KIFBP: variants seen among roughly 807,000 people sequenced by gnomAD.
The protein encoded by KIFBP is KIF-binding protein.
A neutral mutation model predicts 58.9 loss-of-function variants in KIFBP; 46 were observed. The ratio of observed to expected loss-of-function variants is 0.78; its 90% confidence interval spans 0.62 to 1.00. The LOEUF is 1.00. Among genes scored for constraint, KIFBP ranks in the 50% least tolerant of loss-of-function variants. The pLI is 0.00. For synonymous variants in KIFBP, 241 were observed against 283.4 expected (o/e 0.85, Z 1.50); for missense variants, 651 against 752.9 (o/e 0.86, Z 1.58).
chr10:68,995,316 A>G (rs1414683412), intron 1 of KIFBP: 1 of 152,202 alleles, frequency 6.6e-6, no homozygotes, highest in Non-Finnish European at 1.5e-5. Context: ...AGAATTTTAT[A>G]TAAATGAAAT....
Position 69,015,926 on chromosome 10 carries a change from T to C in KIFBP, c.1376T>C (p.Val459Ala), listed in dbSNP as rs1235802814. Residue 459 changes from valine (V) to alanine (A), a missense_variant, in exon 7 of 7, where the codon GTA becomes GCA. By Grantham distance (64) the Val-to-Ala change is moderately conservative (BLOSUM62 0). Transcript: ENST00000361983. ...ATAGCCATGCTAGAGCCCCTAACTG[T>C]AGACCTGAATCCACAGTATTATCTG... Reference protein sequence around the residue: ...RRIAMLEPLTVDLNPQYYLLV... With the variant: ...RRIAMLEPLTADLNPQYYLLV... 1 of 1,614,204 alleles carries C rather than the reference T, an allele frequency of 6.2e-7. No homozygotes were observed.
chr10:68,991,237 A>G (rs2255850), intron 1 of KIFBP: 146,108 of 155,790 alleles, frequency 0.94, 68,604 homozygotes, highest in East Asian at 0.99. Context: ...CAGCAGCTCC[A>G]GGGCCTCTGA....
chr10:69,013,911 G>A (rs981354570), intron 6 of KIFBP, among the ~76,000 whole-genome samples: 3 of 151,980 alleles, frequency 2.0e-5, no homozygotes, highest in Admixed American at 1.3e-4. Flanking sequence ...CACTGTGCCC[G>A]GCTAATTCTT....
At chr10:69,011,519 A>C (rs188150859) in intron 6 of KIFBP, among the ~76,000 whole-genome samples, 6 of 149,486 alleles carry the variant, frequency 4.0e-5, no homozygotes, top group Non-Finnish European at 4.4e-5. Context: ...TCATCCTTGG[A>C]GTACAGGCGT....
chr10:68,997,817 C>G (rs1719602674), intron 1 of KIFBP, among the ~76,000 whole-genome samples: 1 of 152,172 alleles, frequency 6.6e-6, no homozygotes, highest in South Asian at 2.1e-4. Context: ...CTGCAACTAA[C>G]CTAGGTAGTC....
intron 1 of KIFBP, among the ~76,000 whole-genome samples, chr10:68,998,260 T>C (rs2132109344): frequency 6.6e-6 from 1 of 152,260 alleles, no homozygotes; most frequent in African/African-American, 2.4e-5. Flanking sequence ...CCAAAAGATT[T>C]TTAAAACAAA....
chr10:68,989,259 G>A lies in KIFBP; in HGVS notation c.426+1G>A. 6.2e-7 allele frequency: 1 copy of A among 1,612,662 alleles called. No homozygotes were observed. Among genetic ancestry groups the A allele is most frequent in the Non-Finnish European group, 8.5e-7 (1 of 1,179,796 alleles). ...CATCTCTCTCTGCATCCAGGCGCAG[G>A]TGAGAGCGAGCCCGGCCAGGCCGGC... On this transcript the variant is annotated splice_donor_variant, in intron 1 of 6. Transcript: ENST00000361983. LOFTEE classifies it high-confidence loss of function.
At chr10:68,994,237 T>TAC (rs377490348) in intron 1 of KIFBP, among the ~76,000 whole-genome samples, 177 of 151,326 alleles carry the variant, frequency 1.2e-3, no homozygotes, top group African/African-American at 3.5e-3. Flanking sequence ...AGACTAAGTA[T>TAC]ACACACACAC....
At chr10:69,000,822 A>G (rs1476959561) in intron 2 of KIFBP, among the ~76,000 whole-genome samples, 1 of 152,244 alleles carries the variant, frequency 6.6e-6, no homozygotes, top group Non-Finnish European at 1.5e-5. Context: ...TATAATCTAA[A>G]CATTCTATTT....
chr10:69,011,968 G>GGT (rs1425626494), intron 6 of KIFBP, among the ~76,000 whole-genome samples: 1 of 152,004 alleles, frequency 6.6e-6, no homozygotes, highest in Non-Finnish European at 1.5e-5. Context: ...TGGGATTACA[G>GGT]GTGTGAGCAA....
At chr10:69,004,260 C>T (rs1843506148) in intron 2 of KIFBP, among the ~76,000 whole-genome samples, 1 of 150,078 alleles carries the variant, frequency 6.7e-6, no homozygotes, top group Admixed American at 6.6e-5. Flanking sequence ...AGGCTGGGCA[C>T]CTTAGCTCAT....
intron 5 of KIFBP, among the ~76,000 whole-genome samples, chr10:69,009,691 C>A (rs1457752921): frequency 6.6e-6 from 1 of 152,130 alleles, no homozygotes; most frequent in East Asian, 1.9e-4. Context: ...AAATACCCAT[C>A]TTTTTAAGTA....
In KIFBP at chr10:69,012,322, A is replaced by G. The variant is rs560211300; in HGVS notation, c.990+1307A>G. On this transcript the variant is annotated intron_variant, in intron 6 of 6. Coordinates refer to ENST00000361983, the MANE Select transcript of KIFBP (RefSeq NM_015634.4). ...AAGGCCTCGGAAAAGTGCCTGAGAC[A>G]TACTAAGTCCTTAATAAATGTTAAC... 2.6e-5 allele frequency among the ~76,000 whole-genome samples: 4 copies of G among 152,348 alleles called. No homozygotes were observed. The South Asian group carries it at 8.3e-4, about 32-fold the overall frequency.
chr10:69,015,198 T>C (rs868349017), intron 6 of KIFBP, among the ~76,000 whole-genome samples: 1 of 152,164 alleles, frequency 6.6e-6, no homozygotes, highest in Non-Finnish European at 1.5e-5. Flanking sequence ...CTGGGAGTAA[T>C]GTATCACATA....
chr10:69,003,525 C>T (rs1310286392), intron 2 of KIFBP, among the ~76,000 whole-genome samples: 1 of 152,136 alleles, frequency 6.6e-6, no homozygotes, highest in Admixed American at 6.6e-5. Flanking sequence ...GGACTATCCT[C>T]ATAGAAGTAG....
chr10:69,016,018 G>A lies in KIFBP; in HGVS notation c.1468G>A (p.Ala490Thr), dbSNP rs147288545. The change falls in exon 7 of 7, where the codon GCC becomes ACC. Residue 490 changes from alanine (A) to threonine (T), a missense_variant. Ala to Thr is a moderately conservative substitution (Grantham distance 58). Coordinates refer to ENST00000361983, the MANE Select transcript of KIFBP (RefSeq NM_015634.4). Reference sequence around the variant, plus strand: ...CTATGATATGATGGATTTGAAGGTTGCCATTGCTGACAGGCTAAGGGATCC... The same window carrying A: ...CTATGATATGATGGATTTGAAGGTTACCATTGCTGACAGGCTAAGGGATCC... ...AYYDMMDLKV[A>T]IADRLRDPDS... 4.4e-5 allele frequency: 71 copies of A among 1,614,006 alleles called. No homozygotes were observed. The African/African-American group carries it at 8.9e-4, about 20-fold the overall frequency.
chr10:69,001,721 C>T (rs375121389), intron 2 of KIFBP, among the ~76,000 whole-genome samples: 5 of 150,860 alleles, frequency 3.3e-5, no homozygotes, highest in African/African-American at 1.2e-4. Context: ...CACTGCACTC[C>T]GGCCTGGGCG....
At position 69,015,954 on chromosome 10, in the gene KIFBP, G is replaced by A. The variant is rs370121940; in HGVS notation, c.1404G>A (p.Leu468=). The part of the protein sequence containing the change: ...TVDLNPQYYL[L]VNRQIQFEIA... The stretch of plus-strand genomic sequence containing the variant: ...ACCTGAATCCACAGTATTATCTGTT[G>A]GTCAACAGACAGATCCAGTTTGAAA... Residue 468 remains leucine (L), a synonymous_variant, in exon 7 of 7, where the codon TTG becomes TTA. Transcript: ENST00000361983. The A allele has an allele frequency of 8.7e-6, 14 of 1,613,938 alleles. No homozygotes were observed. Among genetic ancestry groups the A allele is most frequent in the South Asian group, 6.6e-5 (6 of 91,068 alleles).
intron 2 of KIFBP, among the ~76,000 whole-genome samples, chr10:69,003,527 T>G (rs909125009): frequency 1.3e-5 from 2 of 152,232 alleles, no homozygotes; most frequent in African/African-American, 4.8e-5. Context: ...ACTATCCTCA[T>G]AGAAGTAGAA....
Sources: gnomAD v4.1 joint callset for allele counts (sites outside exome capture counted in the v4.1 genomes callset) on GRCh38, gnomAD v4.1.1 for gene constraint, MANE v1.5 for transcripts, NCBI Gene and HGNC (gene_info 2026-07-23, HGNC 2026-07-21) for gene names.